Variants in FBXW2 observed in about 807,000 individuals in gnomAD.
FBXW2 encodes F-box and WD repeat domain containing 2.
FBXW2 carries 12 observed loss-of-function variants against 46.0 expected under a neutral mutation model. The observed-to-expected ratio is 0.26, with a 90% confidence interval of 0.17 to 0.42. The LOEUF (loss-of-function observed/expected upper bound fraction) is 0.42, where lower values mean the gene tolerates loss of function less well. Ranked by LOEUF, FBXW2 falls within the 10% of genes least tolerant of loss-of-function variation. The pLI, the probability that FBXW2 is intolerant of heterozygous loss-of-function variation, is 1.00. For missense variants in FBXW2, 360 were observed against 537.0 expected (o/e 0.67, Z 3.26); for synonymous variants, 203 against 209.6 (o/e 0.97, Z 0.27).
chr9:120,780,771 T>C (rs1564458548), intron 3 of FBXW2, among the ~76,000 whole-genome samples: 1 of 152,198 alleles, frequency 6.6e-6, no homozygotes. Flanking sequence ...CTTGTTCTCA[T>C]GGCACTCAGT....
At chr9:120,792,784 T>C in intron 2 of FBXW2, 1 of 975,442 alleles carries the variant, frequency 1.0e-6, no homozygotes, top group South Asian at 1.4e-5. Flanking sequence ...TTTAGCACAG[T>C]ACTCGGCACG....
intron 7 of FBXW2, among the ~76,000 whole-genome samples, chr9:120,768,290 T>G (rs1310138357): frequency 6.6e-6 from 1 of 152,208 alleles, no homozygotes; most frequent in Non-Finnish European, 1.5e-5. Context: ...CTCAAAGTAC[T>G]CTGTACTAGG....
intron 4 of FBXW2, chr9:120,776,800 TTTGTTTTCAA>T (rs2044506864): frequency 6.6e-6 from 1 of 152,214 alleles, no homozygotes; most frequent in Non-Finnish European, 1.5e-5. Flanking sequence ...TACTCAAATA[TTTGTTTTCAA>T]ATGTATACCA....
chr9:120,757,860 T>C lies in FBXW2; in HGVS notation c.*6699A>G, dbSNP rs976633704. ...GAACACTTCAGATGTTTACAGGATA[T>C]GGCAGAAGAGGGACGTCTAAGAGAG... On this transcript the variant is annotated 3_prime_UTR_variant, in exon 8 of 8. Transcript: ENST00000608872. 6.6e-6 allele frequency: 1 copy of C among 152,222 alleles called. No individual in the cohort carries two copies. Among genetic ancestry groups the C allele is most frequent in the Admixed American group, 6.5e-5 (1 of 15,282 alleles). 9.4% of individuals were successfully genotyped at this position (152,222 alleles called of 1,614,324 possible).
chr9:120,784,728 T>C (rs377154862), intron 3 of FBXW2, among the ~76,000 whole-genome samples: 3 of 152,114 alleles, frequency 2.0e-5, no homozygotes, highest in African/African-American at 7.2e-5. Flanking sequence ...GAGACCAGCC[T>C]GACCAACATG....
intron 2 of FBXW2, among the ~76,000 whole-genome samples, chr9:120,789,276 C>A (rs1351172343): frequency 6.6e-6 from 1 of 152,156 alleles, no homozygotes; most frequent in Non-Finnish European, 1.5e-5. Flanking sequence ...GAACCACGAC[C>A]AAGTGGTAAG....
chr9:120,780,473 A>G (rs1032517682), intron 3 of FBXW2, among the ~76,000 whole-genome samples: 2 of 152,312 alleles, frequency 1.3e-5, no homozygotes, highest in South Asian at 4.1e-4. Flanking sequence ...ATTCTTTTAC[A>G]TTGTATGTCT....
chr9:120,763,233 G>C lies in FBXW2; in HGVS notation c.*1326C>G, dbSNP rs1308046084. The C allele has an allele frequency of 6.6e-6, 1 of 152,076 alleles. No individual in the cohort carries two copies. The highest frequency in any genetic ancestry group is 6.6e-5 in the Admixed American group (1 of 15,246). 9.4% of individuals were successfully genotyped at this position (152,076 alleles called of 1,614,324 possible). A position where few individuals can be genotyped will look rare whatever the true frequency, so the allele number is the denominator to read the frequency against. On this transcript the variant is annotated 3_prime_UTR_variant, in exon 8 of 8. Transcript: ENST00000608872. ...CTGCCCTATTAGATCAACTTTCCAG[G>C]GGACAGCACAATCCTCCCCAGAATG... is the stretch of plus-strand genomic sequence containing the variant.
chr9:120,761,284 G>C lies in FBXW2; in HGVS notation c.*3275C>G, dbSNP rs1164974032. On this transcript the variant is annotated 3_prime_UTR_variant, in exon 8 of 8. Coordinates refer to ENST00000608872, the MANE Select transcript of FBXW2 (RefSeq NM_012164.4). ...GATCCCTGTCCACACCATGAAGCCT[G>C]AAGTTGTTATGATGGCCTTTATGAA... 6.6e-6 allele frequency: 1 copy of C among 152,232 alleles called. No individual in the cohort carries two copies. The highest frequency in any genetic ancestry group is 1.5e-5 in the Non-Finnish European group (1 of 68,042). 9.4% of individuals were successfully genotyped at this position (152,232 alleles called of 1,614,324 possible).
In FBXW2 at chr9:120,778,369, G is replaced by A. The variant is rs761775371; in HGVS notation, c.667C>T (p.Arg223Trp). ...AACCCACCCGCCCCCGTGTGCCCCC[G>A]AAAGTGCTGGGTCCTGGCTCCGGAA... is the stretch of plus-strand genomic sequence containing the variant. ...WSSGARTQHF[R>W]GHTGAVFSVD... Residue 223 changes from arginine to tryptophan, a missense_variant, in exon 4 of 8, where the codon CGG (arginine) becomes TGG (tryptophan). Transcript: ENST00000608872. 37 of 1,422,252 alleles carry A rather than the reference G, an allele frequency of 2.6e-5. No individual in the cohort carries two copies. Among genetic ancestry groups the A allele is most frequent in the East Asian group, 1.5e-4 (5 of 33,640 alleles). 88.1% of individuals were successfully genotyped at this position (1,422,252 alleles called of 1,614,324 possible).
In FBXW2 at chr9:120,788,013, G is replaced by A. The variant is rs370810142; in HGVS notation, c.246C>T (p.Leu82=). The A allele has an allele frequency of 8.7e-6, 14 of 1,614,030 alleles. No homozygotes were observed. The highest frequency in any genetic ancestry group is 3.3e-5 in the Admixed American group (2 of 59,998). ...TCACCTTATTCCACTGTTTAGAGAC[G>A]AGGCAGCATGTGAGTAAAGTCTGAG... is the stretch of plus-strand genomic sequence containing the variant. The part of the protein sequence containing the change: ...LDPQTLLTCC[L]VSKQWNKVIS... Residue 82 remains leucine (L), a synonymous_variant, in exon 3 of 8, where the codon CTC becomes CTT. Transcript: ENST00000608872.
chr9:120,771,664 A>C (rs1183724483), intron 6 of FBXW2, 147 bp from the exon 7 acceptor site: 5 of 656,846 alleles, frequency 7.6e-6, no homozygotes, highest in Non-Finnish European at 1.3e-5. Context: ...TCACAGGTTC[A>C]AGTCTTAATT....
chr9:120,780,787 T>C (rs2044595079), intron 3 of FBXW2, among the ~76,000 whole-genome samples: 1 of 152,152 alleles, frequency 6.6e-6, no homozygotes, highest in South Asian at 2.1e-4. Context: ...TCAGTCTACT[T>C]GGGAAGACAA....
At chr9:120,771,724 C>T (rs952822157) in intron 6 of FBXW2, among the ~76,000 whole-genome samples, 1 of 152,158 alleles carries the variant, frequency 6.6e-6, no homozygotes, top group African/African-American at 2.4e-5. Context: ...ACTCCAGCTC[C>T]TGCAATGAAG....
chr9:120,785,684 A>T (rs141424473), intron 3 of FBXW2, among the ~76,000 whole-genome samples: 1 of 152,294 alleles, frequency 6.6e-6, no homozygotes, highest in Non-Finnish European at 1.5e-5. Context: ...GTTACTTAAC[A>T]CTATATTGGT....
intron 2 of FBXW2, chr9:120,792,773 G>A (rs751316647): frequency 3.7e-5 from 31 of 838,756 alleles, no homozygotes; most frequent in Non-Finnish European, 4.9e-5. Flanking sequence ...CAAGTAAAGC[G>A]TTTAGCACAG....
chr9:120,774,380 C>T (rs1442913985), intron 5 of FBXW2, among the ~76,000 whole-genome samples: 1 of 149,682 alleles, frequency 6.7e-6, no homozygotes, highest in African/African-American at 2.5e-5. Context: ...AGTGTGGTGG[C>T]ACGTGGCTGT....
chr9:120,773,884 C>G (rs924145652), intron 5 of FBXW2, among the ~76,000 whole-genome samples: 1 of 152,178 alleles, frequency 6.6e-6, no homozygotes, highest in African/African-American at 2.4e-5. Context: ...CACTATATAG[C>G]TTTTCCATGT....
chr9:120,765,548 G>A (rs1236129886), intron 7 of FBXW2, among the ~76,000 whole-genome samples: 1 of 152,174 alleles, frequency 6.6e-6, no homozygotes, highest in African/African-American at 2.4e-5. Flanking sequence ...TCAGTTACCA[G>A]TGAGAACTAG....
Sources: gnomAD v4.1 joint callset for allele counts (sites outside exome capture counted in the v4.1 genomes callset) on GRCh38, gnomAD v4.1.1 for gene constraint, MANE v1.5 for transcripts, NCBI Gene and HGNC (gene_info 2026-07-23, HGNC 2026-07-21) for gene names.